Variants in SOX5 observed in about 807,000 individuals in gnomAD.
SOX5 encodes the protein SRY-box transcription factor 5, also known as transcription factor SOX-5.
Under a neutral mutation model 92.0 loss-of-function variants are expected in SOX5, and 9 were observed. That is an observed-to-expected ratio of 0.10 (90% CI 0.06 to 0.17). The LOEUF is 0.17. SOX5 is among the 10% of genes least tolerant of loss of function. The pLI, the probability that SOX5 is intolerant of heterozygous loss-of-function variation, is 1.00. For missense variants in SOX5, 642 were observed against 944.5 expected (o/e 0.68, Z 4.20); for synonymous variants, 344 against 336.3 (o/e 1.02, Z -0.25).
At chr12:24,354,684 A>AAAGATAAATG (rs1267449547) in intron 2 of SOX5, among the ~76,000 whole-genome samples, 1 of 152,240 alleles carries the variant, frequency 6.6e-6, no homozygotes, top group Non-Finnish European at 1.5e-5. Flanking sequence ...CCAGGATATC[A>AAAGATAAATG]AAGATAAATG....
intron 10 of SOX5, among the ~76,000 whole-genome samples, chr12:23,572,831 C>T (rs944355400): frequency 2.0e-5 from 3 of 152,150 alleles, no homozygotes; most frequent in Admixed American, 6.5e-5. Context: ...TGAAAAAGCA[C>T]ACATGTGTCT....
intron 2 of SOX5, among the ~76,000 whole-genome samples, chr12:24,367,119 A>G (rs948679566): frequency 6.6e-6 from 1 of 152,172 alleles, no homozygotes; most frequent in African/African-American, 2.4e-5. Context: ...TCTGATCTCA[A>G]TTACAACCAG....
chr12:24,232,626 T>C (rs972527202), intron 3 of SOX5, among the ~76,000 whole-genome samples: 3 of 152,150 alleles, frequency 2.0e-5, no homozygotes, highest in African/African-American at 7.2e-5. Flanking sequence ...AATGACTTGA[T>C]ATGAGTCAAA....
At chr12:23,793,757 G>C (rs2095516420) in intron 3 of SOX5, among the ~76,000 whole-genome samples, 1 of 152,206 alleles carries the variant, frequency 6.6e-6, no homozygotes, top group African/African-American at 2.4e-5. Context: ...TCTGTCTTCA[G>C]AGCTGGACCA....
At chr12:24,491,929 G>A (rs1231249240) in intron 1 of SOX5, among the ~76,000 whole-genome samples, 2 of 152,002 alleles carry the variant, frequency 1.3e-5, no homozygotes, top group Admixed American at 1.3e-4. Context: ...GTTGCCACAT[G>A]TTCAGAATGC....
chr12:23,536,096 A>G (rs1275770300), intron 14 of SOX5, among the ~76,000 whole-genome samples: 3 of 152,240 alleles, frequency 2.0e-5, no homozygotes, highest in Non-Finnish European at 2.9e-5. Context: ...TATTGTCTCA[A>G]CAAAGTTGTT....
intron 4 of SOX5, among the ~76,000 whole-genome samples, chr12:24,192,443 C>T (rs1282811559): frequency 1.3e-5 from 2 of 152,110 alleles, no homozygotes; most frequent in Non-Finnish European, 2.9e-5. Flanking sequence ...GATGAAGTAT[C>T]TTCGAAAGTA....
At chr12:24,045,651 G>A (rs937818170) in intron 4 of SOX5, among the ~76,000 whole-genome samples, 4 of 152,120 alleles carry the variant, frequency 2.6e-5, no homozygotes, top group Non-Finnish European at 4.4e-5. Context: ...ATGTACTTCC[G>A]TTGAATTGTC....
At chr12:23,577,166 C>T (rs1949265202) in intron 9 of SOX5, among the ~76,000 whole-genome samples, 1 of 92,546 alleles carries the variant, frequency 1.1e-5, no homozygotes, top group African/African-American at 3.6e-5. Context: ...CACACACACA[C>T]ACACACACAC....
intron 1 of SOX5, among the ~76,000 whole-genome samples, chr12:24,435,006 C>G (rs1372247137): frequency 2.6e-5 from 4 of 152,192 alleles, no homozygotes; most frequent in Non-Finnish European, 5.9e-5. Flanking sequence ...AATGCCCTTT[C>G]CTTTTGGAGA....
intron 3 of SOX5, among the ~76,000 whole-genome samples, chr12:24,218,756 G>A (rs1034473376): frequency 5.3e-5 from 8 of 151,870 alleles, no homozygotes; most frequent in African/African-American, 1.9e-4. Context: ...ATCTAACAAT[G>A]TTAAGATAAT....
intron 2 of SOX5, among the ~76,000 whole-genome samples, chr12:24,362,898 C>T (rs2136191338): frequency 6.8e-6 from 1 of 146,684 alleles, no homozygotes. Flanking sequence ...GGGCTATTAG[C>T]ATAACAGCAT....
At chr12:23,831,350 A>T (rs1444176765) in intron 3 of SOX5, among the ~76,000 whole-genome samples, 1 of 152,146 alleles carries the variant, frequency 6.6e-6, no homozygotes, top group Non-Finnish European at 1.5e-5. Context: ...GAATAAACAT[A>T]AAACTGTCCA....
At chr12:23,640,750 C>A in intron 8 of SOX5, 62 bp downstream of exon 8, 10 of 1,197,422 alleles carry the variant, frequency 8.4e-6, no homozygotes, top group Non-Finnish European at 1.2e-5. Context: ...GCTTTAACAC[C>A]ATAATAGCTG....
chr12:24,490,160 G>A (rs1263430753), intron 1 of SOX5, among the ~76,000 whole-genome samples: 3 of 152,224 alleles, frequency 2.0e-5, no homozygotes, highest in Non-Finnish European at 4.4e-5. Context: ...GAAGAGAGGA[G>A]AGACCATTTG....
chr12:23,696,713 T>C (rs1301228650), intron 6 of SOX5, among the ~76,000 whole-genome samples: 2 of 152,160 alleles, frequency 1.3e-5, no homozygotes, highest in East Asian at 1.9e-4. Flanking sequence ...ACTTTTCCAA[T>C]ATATATACTT....
chr12:24,176,223 G>A (rs547052810), intron 4 of SOX5, among the ~76,000 whole-genome samples: 1 of 152,116 alleles, frequency 6.6e-6, no homozygotes, highest in East Asian at 1.9e-4. Flanking sequence ...CTGATACTTG[G>A]GAGGCTGAGG....
At chr12:24,246,280 AG>A (rs1274420442) in intron 3 of SOX5, among the ~76,000 whole-genome samples, 37 of 144,926 alleles carry the variant, frequency 2.6e-4, no homozygotes, top group Admixed American at 1.0e-3. Flanking sequence ...TTACAGACAC[AG>A]ATTTTTTTTT....
intron 1 of SOX5, among the ~76,000 whole-genome samples, chr12:24,480,981 A>G (rs1276167629): frequency 6.6e-6 from 1 of 152,190 alleles, no homozygotes; most frequent in Non-Finnish European, 1.5e-5. Flanking sequence ...CACTTTTCAC[A>G]ATAGCCAAGA....
Sources: gnomAD v4.1 joint callset for allele counts (sites outside exome capture counted in the v4.1 genomes callset) on GRCh38, gnomAD v4.1.1 for gene constraint, MANE v1.5 for transcripts, NCBI Gene and HGNC (gene_info 2026-07-23, HGNC 2026-07-21) for gene names.